HEATR5A: variants seen among roughly 807,000 people sequenced by gnomAD.
HEATR5A encodes the protein HEAT repeat containing 5A, also known as HEAT repeat-containing protein 5A.
In HEATR5A, 178 loss-of-function variants were observed where a neutral mutation model predicts 218.8. The observed-to-expected ratio is 0.81, with a 90% CI of 0.72 to 0.92. The LOEUF is 0.92. HEATR5A is among the 40% of genes least tolerant of loss of function. The pLI, the probability that HEATR5A is intolerant of heterozygous loss-of-function variation, is 0.00. For synonymous variants in HEATR5A, 864 were observed against 871.6 expected, an observed-to-expected ratio of 0.99 and a Z score of 0.15; for missense variants, 2,420 against 2,418.9, an observed-to-expected ratio of 1.00 and a Z score of -0.01.
At chr14:31,308,272 C>T (rs943349964) in intron 29 of HEATR5A, among the ~76,000 whole-genome samples, 1 of 151,984 alleles carries the variant, frequency 6.6e-6, no homozygotes, top group African/African-American at 2.4e-5. Context: ...CTTTGGGAGG[C>T]CAAGGTGGGC....
intron 24 of HEATR5A, 92 bp from the exon 25 acceptor site, chr14:31,321,772 T>C (rs1900116165): frequency 8.0e-6 from 8 of 1,003,214 alleles, no homozygotes; most frequent in Middle Eastern, 2.8e-4. Flanking sequence ...GTGATAATTT[T>C]TCCTCCTTTA....
At position 31,395,192 on chromosome 14, in the gene HEATR5A, A is replaced by G. The variant is rs2139296105; in HGVS notation, c.597+7T>C. 2 of 1,495,368 alleles carry G rather than the reference A, an allele frequency of 1.3e-6. No individual in the cohort carries two copies. Among genetic ancestry groups the G allele is most frequent in the Non-Finnish European group, 1.8e-6 (2 of 1,125,314 alleles). The allele number at this position is 1,495,368 out of a possible 1,614,324, so 92.6% of individuals were successfully genotyped here. ...ATTTTTAAAGTCTGCTTATTAGATC[A>G]TTTTACCTTTGCAGCAGCACAACGA... On this transcript the variant is annotated splice_region_variant and intron_variant, in intron 5 of 35. Coordinates refer to ENST00000543095, the MANE Select transcript of HEATR5A (RefSeq NM_015473.4).
At position 31,302,528 on chromosome 14, in the gene HEATR5A, T is replaced by C. The variant is rs1407279937; in HGVS notation, c.5240-9A>G. On this transcript the variant is annotated splice_polypyrimidine_tract_variant and intron_variant, in intron 32 of 35. Transcript: ENST00000543095. ...GAGAATTGAGATGCTTCCTGTAAGA[T>C]ACATTTTTTAAAAACACACTGGATT... The C allele has an allele frequency of 2.6e-6, 4 of 1,533,926 alleles. No homozygotes were observed. The highest frequency in any genetic ancestry group is 2.4e-5 in the East Asian group (1 of 41,580).
intron 13 of HEATR5A, among the ~76,000 whole-genome samples, chr14:31,369,629 A>AC (rs1430959566): frequency 5.4e-5 from 8 of 147,524 alleles, no homozygotes; most frequent in East Asian, 2.0e-4. Context: ...AAAAAAAAAA[A>AC]AAAAAAACCC....
rs1466086958 is a variant in HEATR5A at position 31,403,043 on chromosome 14, T to C, written c.-68A>G. The C allele has an allele frequency of 1.1e-5, 15 of 1,377,074 alleles. No individual in the cohort carries two copies. The highest frequency in any genetic ancestry group is 1.2e-5 in the Non-Finnish European group (12 of 1,040,342). The allele number at this position is 1,377,074 out of a possible 1,614,324, so 85.3% of individuals were successfully genotyped here. A position where few individuals can be genotyped will look rare whatever the true frequency, so the allele number is the denominator to read the frequency against. ...AAACTTTGGTCAATATACCTAACAA[T>C]AAAAATCTGCAATACAGGAAAATAA... On this transcript the variant is annotated 5_prime_UTR_variant, in exon 2 of 36. Transcript: ENST00000543095.
intron 4 of HEATR5A, among the ~76,000 whole-genome samples, chr14:31,396,065 G>C (rs2139297340): frequency 6.6e-6 from 1 of 152,220 alleles, no homozygotes; most frequent in African/African-American, 2.4e-5. Flanking sequence ...TCAAGAAATA[G>C]TAGCTGCTTG....
rs530077229 is a variant in HEATR5A at position 31,327,732 on chromosome 14, C to T, written c.3368-1390G>A. ...GGAGAACACTGTTTAATTACTACAA[C>T]TAAGCTATTGTGGACTACTGAATAA... On this transcript the variant is annotated intron_variant, in intron 22 of 35. Coordinates refer to ENST00000543095, the MANE Select transcript of HEATR5A (RefSeq NM_015473.4). Among the ~76,000 whole-genome samples, 4 of 152,292 alleles carry T rather than the reference C, an allele frequency of 2.6e-5. No individual in the cohort carries two copies. In the South Asian group the frequency reaches 8.3e-4, roughly 32 times the overall value.
At chr14:31,401,049 C>G (rs545828808) in intron 2 of HEATR5A, among the ~76,000 whole-genome samples, 1 of 152,150 alleles carries the variant, frequency 6.6e-6, no homozygotes, top group South Asian at 2.1e-4. Flanking sequence ...CGGTGTTAGC[C>G]AGGATGGTCT....
At chr14:31,374,429 C>A (rs930592915) in intron 12 of HEATR5A, among the ~76,000 whole-genome samples, 2 of 151,938 alleles carry the variant, frequency 1.3e-5, no homozygotes, top group East Asian at 1.9e-4. Flanking sequence ...GACTTCGAGG[C>A]GCATTGGCAT....
At chr14:31,392,203 C>T (rs1373008616) in intron 6 of HEATR5A, among the ~76,000 whole-genome samples, 2 of 152,212 alleles carry the variant, frequency 1.3e-5, no homozygotes, top group Non-Finnish European at 2.9e-5. Flanking sequence ...TGGTGTCAGT[C>T]TGTCCCTACA....
intron 11 of HEATR5A, among the ~76,000 whole-genome samples, chr14:31,377,006 T>A (rs1449796288): frequency 1.3e-5 from 2 of 151,730 alleles, no homozygotes; most frequent in Non-Finnish European, 2.9e-5. Context: ...AAACCTATAG[T>A]CCTAGCTACT....
chr14:31,403,964 T>C (rs1459425418), intron 1 of HEATR5A, among the ~76,000 whole-genome samples: 3 of 152,244 alleles, frequency 2.0e-5, no homozygotes, highest in Non-Finnish European at 1.5e-5. Context: ...ACTTTTTAAA[T>C]GGTTAAATCG....
intron 1 of HEATR5A, 86 bp downstream of exon 1, chr14:31,420,368 ATACAGCGGCCCTGGTGCG>A (rs1469306381): frequency 3.3e-5 from 5 of 152,000 alleles, no homozygotes; most frequent in African/African-American, 1.2e-4. Flanking sequence ...CGCTCAACTC[ATACAGCGGCCCTGGTGCG>A]TTCTCCTTCC....
At position 31,340,645 on chromosome 14, in the gene HEATR5A, A is replaced by G. The variant is rs1900811387; in HGVS notation, c.3229-3031T>C. On this transcript the variant is annotated intron_variant, in intron 21 of 35. Transcript: ENST00000543095. ...CCACAAATATTTTATTTTCCAACAAAATGAGTTGAGCCAAGTTTTTGAAAA... is the reference window on the plus strand; with the variant it reads ...CCACAAATATTTTATTTTCCAACAAGATGAGTTGAGCCAAGTTTTTGAAAA... Among the ~76,000 whole-genome samples, 3 of 152,242 alleles carry G rather than the reference A, an allele frequency of 2.0e-5. No individual in the cohort carries two copies. The South Asian group carries it at 6.2e-4, about 31-fold the overall frequency.
At chr14:31,368,702 T>G (rs75926976) in intron 13 of HEATR5A, among the ~76,000 whole-genome samples, 5 of 61,918 alleles carry the variant, frequency 8.1e-5, no homozygotes, top group African/African-American at 4.9e-4. Context: ...ACTCTATTTA[T>G]TTATTTATTT....
intron 22 of HEATR5A, among the ~76,000 whole-genome samples, chr14:31,329,413 T>C (rs1244239991): frequency 6.6e-6 from 1 of 152,178 alleles, no homozygotes; most frequent in African/African-American, 2.4e-5. Context: ...ATTGGGTAAA[T>C]ACTCTTGTCC....
intron 21 of HEATR5A, among the ~76,000 whole-genome samples, chr14:31,338,993 G>A (rs1429169422): frequency 6.6e-6 from 1 of 150,754 alleles, no homozygotes; most frequent in East Asian, 2.0e-4. Context: ...GGTGGCAGGT[G>A]TCTGTAATCC....
chr14:31,405,672 G>A (rs2139313099), intron 1 of HEATR5A, among the ~76,000 whole-genome samples: 1 of 152,322 alleles, frequency 6.6e-6, no homozygotes, highest in East Asian at 1.9e-4. Context: ...ATCTATGATT[G>A]TTTGGGGGGT....
At chr14:31,361,946 ATTT>A (rs1901630751) in intron 14 of HEATR5A, among the ~76,000 whole-genome samples, 5 of 130,302 alleles carry the variant, frequency 3.8e-5, no homozygotes, top group Non-Finnish European at 8.9e-5. Flanking sequence ...TCAGAAATTT[ATTT>A]ATTTATTTAT....
Sources: allele counts gnomAD v4.1 joint callset (sites outside exome capture counted in the v4.1 genomes callset), GRCh38; gene constraint gnomAD v4.1.1; transcripts MANE v1.5; gene names NCBI Gene and HGNC (gene_info 2026-07-23, HGNC 2026-07-21).